The following BAG3 variants were observed in gnomAD, a reference collection of about 807,000 sequenced individuals.
BAG3 encodes BAG family molecular chaperone regulator 3.
BAG3 carries 14 observed loss-of-function variants against 40.5 expected under a neutral mutation model. The observed-to-expected ratio is 0.35, with a 90% confidence interval of 0.23 to 0.54. The LOEUF (loss-of-function observed/expected upper bound fraction) is 0.54, where lower values mean the gene tolerates loss of function less well. BAG3 is among the 20% of genes least tolerant of loss of function. The pLI is 0.91. For synonymous variants in BAG3, 302 were observed against 307.8 expected, an observed-to-expected ratio of 0.98 and a Z score of 0.20; for missense variants, 788 against 758.6, an observed-to-expected ratio of 1.04 and a Z score of -0.46.
intron 1 of BAG3, among the ~76,000 whole-genome samples, chr10:119,653,065 T>C (rs1846865388): frequency 6.6e-6 from 1 of 152,268 alleles, no homozygotes; most frequent in African/African-American, 2.4e-5. Context: ...TGTAACCCAT[T>C]GTTTTAGAAG....
At chr10:119,669,828 T>C (rs1246606536) in intron 1 of BAG3, 23 bp from the exon 2 acceptor site, 3 of 1,609,734 alleles carry the variant, frequency 1.9e-6, no homozygotes, top group Admixed American at 3.3e-5. Context: ...AACCAGCCTG[T>C]GTTTCTCCAC....
Position 119,672,239 on chromosome 10 carries a change from CCT to C in BAG3, c.508-15_508-14del, listed in dbSNP as rs1847159679. On this transcript the variant is annotated splice_polypyrimidine_tract_variant and intron_variant, in intron 2 of 3. Coordinates refer to ENST00000369085, the MANE Select transcript of BAG3 (RefSeq NM_004281.4). This position sits in a 1 kb window ranked among gnomAD's most constrained non-coding sequence, Gnocchi z 4.8. Reference sequence around the variant, plus strand: ...TCATTTGTGGGGTCATGCCCTCTACCCTGTGTCTCTTGCAGCGGTCCCAGTCT... The same window carrying C: ...TCATTTGTGGGGTCATGCCCTCTACCGTGTCTCTTGCAGCGGTCCCAGTCT... 6.2e-7 allele frequency: 1 copy of C among 1,611,908 alleles called. No individual in the cohort carries two copies. Among genetic ancestry groups the C allele is most frequent in the East Asian group, 2.2e-5 (1 of 44,892 alleles).
chr10:119,652,764 A>G (rs1846861795), intron 1 of BAG3, among the ~76,000 whole-genome samples: 1 of 152,268 alleles, frequency 6.6e-6, no homozygotes, highest in Admixed American at 6.5e-5. Flanking sequence ...TTGTGAATAC[A>G]GCAGAAGTAT....
At chr10:119,663,155 G>C (rs1443427612) in intron 1 of BAG3, among the ~76,000 whole-genome samples, 1 of 152,232 alleles carries the variant, frequency 6.6e-6, no homozygotes, top group African/African-American at 2.4e-5. Flanking sequence ...CTTCTCCACG[G>C]CTCTTTCATG....
At chr10:119,653,025 A>T (rs905770343) in intron 1 of BAG3, among the ~76,000 whole-genome samples, 2 of 152,238 alleles carry the variant, frequency 1.3e-5, no homozygotes, top group Non-Finnish European at 2.9e-5. Context: ...TATTTTGAAG[A>T]TTTAAAAACT....
At chr10:119,666,880 G>A (rs1847075856) in intron 1 of BAG3, among the ~76,000 whole-genome samples, 1 of 152,188 alleles carries the variant, frequency 6.6e-6, no homozygotes, top group African/African-American at 2.4e-5. Context: ...ACCTCAGAAA[G>A]CTCTTTCGAG....
At chr10:119,665,136 A>ATTTTTTTTTTT (rs1430985995) in intron 1 of BAG3, among the ~76,000 whole-genome samples, 1 of 73,168 alleles carries the variant, frequency 1.4e-5, no homozygotes, top group Non-Finnish European at 2.8e-5. Flanking sequence ...GTATATATAT[A>ATTTTTTTTTTT]TATATATATT....
At chr10:119,665,303 A>AT (rs375034445) in intron 1 of BAG3, among the ~76,000 whole-genome samples, 21,025 of 147,262 alleles carry the variant, frequency 0.14, 1,853 homozygotes, top group Non-Finnish European at 0.2. Flanking sequence ...TGCCCAGCTA[A>AT]TTTTTTTTTT....
In BAG3 at chr10:119,666,584, C is replaced by G. The variant is rs367821884; in HGVS notation, c.181-3267C>G. Among the ~76,000 whole-genome samples, 12 of 152,278 alleles carry G rather than the reference C, an allele frequency of 7.9e-5. 2 individuals carry two copies. Among genetic ancestry groups the G allele is most frequent in the African/African-American group, 2.9e-4 (12 of 41,570 alleles). On this transcript the variant is annotated intron_variant, in intron 1 of 3. Coordinates refer to ENST00000369085, the MANE Select transcript of BAG3 (RefSeq NM_004281.4). ...GATGCACGAGGTGCTCAGCGAGATG[C>G]ACGAGGTGCTCAGCGAGATGCATGA...
intron 1 of BAG3, among the ~76,000 whole-genome samples, chr10:119,669,455 G>A (rs977051825): frequency 6.6e-6 from 1 of 152,178 alleles, no homozygotes; most frequent in Non-Finnish European, 1.5e-5. Flanking sequence ...GACGCTTGCT[G>A]TAATGTAGAG....
chr10:119,653,594 C>T (rs141632132), intron 1 of BAG3, among the ~76,000 whole-genome samples: 1,561 of 152,284 alleles, frequency 0.01, 16 homozygotes, highest in Middle Eastern at 0.017. Flanking sequence ...GTTTAGTTAC[C>T]ATTATTCTTG....
chr10:119,663,645 G>T (rs575891721), intron 1 of BAG3, among the ~76,000 whole-genome samples: 3 of 152,030 alleles, frequency 2.0e-5, no homozygotes, highest in Non-Finnish European at 2.9e-5. Context: ...GAAACTTTGG[G>T]GTGCTCTGAG....
chr10:119,669,134 CTT>C (rs1190695222), intron 1 of BAG3, among the ~76,000 whole-genome samples: 1 of 152,160 alleles, frequency 6.6e-6, no homozygotes, highest in African/African-American at 2.4e-5. Flanking sequence ...TTTGCTAAAA[CTT>C]GACTTTACAA....
chr10:119,655,687 A>C (rs1846900436), intron 1 of BAG3, among the ~76,000 whole-genome samples: 1 of 152,122 alleles, frequency 6.6e-6, no homozygotes, highest in African/African-American at 2.4e-5. Flanking sequence ...CGACTGCATG[A>C]AAGTGATTTG....
chr10:119,659,485 G>C (rs1238086406), intron 1 of BAG3, among the ~76,000 whole-genome samples: 2 of 152,154 alleles, frequency 1.3e-5, no homozygotes, highest in Non-Finnish European at 1.5e-5. Flanking sequence ...GAAGGAAGGA[G>C]GGGTTTTCCA....
At chr10:119,668,761 GCT>G (rs1204473687) in intron 1 of BAG3, among the ~76,000 whole-genome samples, 3 of 152,228 alleles carry the variant, frequency 2.0e-5, no homozygotes, top group Non-Finnish European at 4.4e-5. Context: ...GCCCAAGCAG[GCT>G]CTGTTGCGTT....
At chr10:119,657,983 C>A (rs1846935912) in intron 1 of BAG3, among the ~76,000 whole-genome samples, 1 of 152,240 alleles carries the variant, frequency 6.6e-6, no homozygotes, top group South Asian at 2.1e-4. Flanking sequence ...GCGTCAGGAG[C>A]CTGTAAACAG....
chr10:119,672,772 C>T lies in BAG3; in HGVS notation c.909+116C>T, dbSNP rs749471432. ...CCCTGCCTATTTAACATGCGTGTACCTACAGGCAAGTGAGATTCGAGAAAT... is the reference window on the plus strand; with the variant it reads ...CCCTGCCTATTTAACATGCGTGTACTTACAGGCAAGTGAGATTCGAGAAAT... On this transcript the variant is annotated intron_variant, in intron 3 of 3. Transcript: ENST00000369085. This position sits in a 1 kb window ranked among gnomAD's most constrained non-coding sequence, Gnocchi z 4.8. 2.8e-6 allele frequency: 4 copies of T among 1,410,424 alleles called. No individual in the cohort carries two copies. Among genetic ancestry groups the T allele is most frequent in the African/African-American group, 1.4e-5 (1 of 71,136 alleles). 87.4% of individuals were successfully genotyped at this position (1,410,424 alleles called of 1,614,324 possible). A position where few individuals can be genotyped will look rare whatever the true frequency, so the allele number is the denominator to read the frequency against.
chr10:119,676,717 A>G lies in BAG3; in HGVS notation c.1163A>G (p.Lys388Arg), dbSNP rs1405607704. The G allele has an allele frequency of 2.5e-6, 4 of 1,613,902 alleles. No individual in the cohort carries two copies. In the African/African-American group the frequency reaches 4.0e-5, roughly 16 times the overall value. ...CCTTCTGCTGTCCCCTCTTCCCCCA[A>G]GAGTGTGGCTACAGAAGAGAGGGCA... ...PGPSAVPSSP[K>R]SVATEERAAP... Residue 388 changes from lysine (K) to arginine (R), a missense_variant, in exon 4 of 4, where the codon AAG becomes AGG. Transcript: ENST00000369085.
Sources: allele counts gnomAD v4.1 joint callset (sites outside exome capture counted in the v4.1 genomes callset), GRCh38; gene constraint gnomAD v4.1.1; non-coding constraint Gnocchi (gnomAD v3.1); transcripts MANE v1.5; gene names NCBI Gene and HGNC (gene_info 2026-07-23, HGNC 2026-07-21).